Variants in PKNOX2 observed in about 807,000 individuals in gnomAD.
PKNOX2 encodes the protein homeobox protein PKNOX2.
Under a neutral mutation model 53.1 loss-of-function variants are expected in PKNOX2, and 14 were observed. The ratio of observed to expected loss-of-function variants is 0.26; its 90% CI spans 0.17 to 0.41. The LOEUF is 0.41. Ranked by LOEUF, PKNOX2 falls within the 10% of genes least tolerant of loss-of-function variation. PKNOX2 has a pLI of 1.00. For synonymous variants in PKNOX2, 257 were observed against 242.8 expected (o/e 1.06, Z -0.54); for missense variants, 496 against 602.8 (o/e 0.82, Z 1.85).
chr11:125,191,754 C>T (rs1246865666), intron 1 of PKNOX2, among the ~76,000 whole-genome samples: 3 of 152,136 alleles, frequency 2.0e-5, no homozygotes, highest in African/African-American at 4.8e-5. Context: ...GTGGCCGGGA[C>T]GTACTTGCTT....
chr11:125,236,277 C>A (rs1175542165), intron 2 of PKNOX2, among the ~76,000 whole-genome samples: 2 of 151,882 alleles, frequency 1.3e-5, no homozygotes, highest in Non-Finnish European at 2.9e-5. Flanking sequence ...GCTCCCAGGG[C>A]ACCTCCTCTG....
intron 1 of PKNOX2, among the ~76,000 whole-genome samples, chr11:125,171,297 G>C (rs1035254476): frequency 1.3e-5 from 2 of 152,094 alleles, no homozygotes; most frequent in African/African-American, 2.4e-5. Flanking sequence ...CTGTGTCCCC[G>C]GCACAGTCCT....
At chr11:125,226,906 C>T (rs1168854736) in intron 1 of PKNOX2, among the ~76,000 whole-genome samples, 1 of 151,998 alleles carries the variant, frequency 6.6e-6, no homozygotes, top group Non-Finnish European at 1.5e-5. Flanking sequence ...GCAGCCTCTC[C>T]TCTGACTTCT....
chr11:125,208,384 C>T (rs1359544640), intron 1 of PKNOX2, among the ~76,000 whole-genome samples: 1 of 152,060 alleles, frequency 6.6e-6, no homozygotes, highest in African/African-American at 2.4e-5. Flanking sequence ...GGAATTTGCA[C>T]TTTTCTATAG....
At chr11:125,222,727 A>ATG (rs746914950) in intron 1 of PKNOX2, among the ~76,000 whole-genome samples, 1 of 121,850 alleles carries the variant, frequency 8.2e-6, no homozygotes, top group African/African-American at 3.3e-5. Context: ...GTGTGTGTGT[A>ATG]TGTGTGTGTG....
intron 2 of PKNOX2, among the ~76,000 whole-genome samples, chr11:125,283,166 TAATAAAATAAAATAA>T (rs140414026): frequency 4.0e-5 from 6 of 151,106 alleles, no homozygotes; most frequent in Admixed American, 3.3e-4. Context: ...AATATATAAA[TAATAAAATAAAATAA>T]AATAAAATAA....
At chr11:125,339,185 C>T (rs565036862) in intron 3 of PKNOX2, among the ~76,000 whole-genome samples, 18 of 152,316 alleles carry the variant, frequency 1.2e-4, no homozygotes, top group Admixed American at 9.1e-4. Context: ...AACACAGCTC[C>T]GTCCTCGCAC....
intron 4 of PKNOX2, among the ~76,000 whole-genome samples, chr11:125,357,209 C>T (rs1951667249): frequency 6.6e-6 from 1 of 152,098 alleles, no homozygotes; most frequent in African/African-American, 2.4e-5. Context: ...GCACAGTGAC[C>T]TCTCTCTCTG....
At chr11:125,193,744 AC>A (rs1369036459) in intron 1 of PKNOX2, among the ~76,000 whole-genome samples, 1 of 152,184 alleles carries the variant, frequency 6.6e-6, no homozygotes, top group African/African-American at 2.4e-5. Flanking sequence ...CAGTGTCCTC[AC>A]CAGTAAGACG....
At chr11:125,272,285 G>A (rs74661753) in intron 2 of PKNOX2, among the ~76,000 whole-genome samples, 3,637 of 152,228 alleles carry the variant, frequency 0.024, 149 homozygotes, top group African/African-American at 0.074. Flanking sequence ...TAATTGATTC[G>A]CTGGTGGAAT....
chr11:125,301,601 C>T (rs766628390), intron 2 of PKNOX2, among the ~76,000 whole-genome samples: 7 of 152,086 alleles, frequency 4.6e-5, no homozygotes, highest in South Asian at 2.1e-4. Context: ...AAGAAACACA[C>T]GCAAGTATAT....
In PKNOX2 at chr11:125,411,506, CT is replaced by C. The variant is rs1477819586; in HGVS notation, c.817-239del. ...TCTCTCTCTCTCTCTCTCTCTCTCT[CT>C]CTCCCCCCCTTCCCCATCTCTTCCT... On this transcript the variant is annotated intron_variant, in intron 9 of 12. Coordinates refer to ENST00000298282, the MANE Select transcript of PKNOX2 (RefSeq NM_001382323.2). 493 of 449,660 alleles carry C rather than the reference CT, an allele frequency of 1.1e-3. 7 individuals are homozygous for C. The highest frequency in any genetic ancestry group is 2.1e-3 in the South Asian group (99 of 46,122). The allele number at this position is 449,660 out of a possible 1,614,324, so 27.9% of individuals were successfully genotyped here.
rs111755351 is a variant in PKNOX2, at chr11:125,420,207, A to C, written c.936+8342A>C. On this transcript the variant is annotated intron_variant, in intron 10 of 12. Transcript: ENST00000298282. The stretch of plus-strand genomic sequence containing the variant: ...GTTCCCTCCCCACCACATTTCCCCC[A>C]AAAAAGCTGAGTTTTTTATTTAAAA... 9.4e-4 allele frequency among the ~76,000 whole-genome samples: 126 copies of C among 133,352 alleles called. 2 individuals are homozygous for C. The highest frequency in any genetic ancestry group is 3.2e-3 in the African/African-American group (114 of 35,954). 87.5% of individuals were successfully genotyped at this position (133,352 alleles called of 152,430 possible).
intron 3 of PKNOX2, among the ~76,000 whole-genome samples, chr11:125,349,954 C>T (rs1951208613): frequency 6.6e-6 from 1 of 151,776 alleles, no homozygotes; most frequent in Non-Finnish European, 1.5e-5. Context: ...GGTCTGTGAA[C>T]ATTTTGGAAG....
At chr11:125,365,442 T>TC (rs1020419417) in intron 4 of PKNOX2, among the ~76,000 whole-genome samples, 2 of 152,178 alleles carry the variant, frequency 1.3e-5, no homozygotes, top group African/African-American at 4.8e-5. Context: ...TGTCTCTCCT[T>TC]CCCTGCACTT....
chr11:125,257,660 A>G lies in PKNOX2; in HGVS notation c.-130+22545A>G, dbSNP rs145234229. On this transcript the variant is annotated intron_variant, in intron 2 of 12. Transcript: ENST00000298282. ...ATCCTGCCCACAGGTAAGGATGAAA[A>G]GGGATGACGTTTTAGAACAGTGTCC... is the stretch of plus-strand genomic sequence containing the variant. Among the ~76,000 whole-genome samples, 643 of 152,342 alleles carry G rather than the reference A, an allele frequency of 4.2e-3. 5 individuals are homozygous for G. Among genetic ancestry groups the G allele is most frequent in the African/African-American group, 0.014 (579 of 41,584 alleles).
intron 1 of PKNOX2, among the ~76,000 whole-genome samples, chr11:125,189,445 G>A (rs78838087): frequency 0.017 from 859 of 50,284 alleles, 11 homozygotes; most frequent in Non-Finnish European, 0.022. Context: ...GTGTGTGTGT[G>A]TGTATATATA....
intron 4 of PKNOX2, among the ~76,000 whole-genome samples, chr11:125,364,035 T>C (rs1022180370): frequency 6.6e-6 from 1 of 152,216 alleles, no homozygotes. Context: ...CACTGCTTAA[T>C]AGCCACGCCC....
intron 2 of PKNOX2, among the ~76,000 whole-genome samples, chr11:125,272,552 C>T (rs188226225): frequency 5.9e-5 from 9 of 152,262 alleles, no homozygotes; most frequent in East Asian, 1.9e-4. Flanking sequence ...CATTTCCTTC[C>T]GTGCCCTCTC....
Sources: gnomAD v4.1 joint callset for allele counts (sites outside exome capture counted in the v4.1 genomes callset) on GRCh38, gnomAD v4.1.1 for gene constraint, MANE v1.5 for transcripts, NCBI Gene and HGNC (gene_info 2026-07-23, HGNC 2026-07-21) for gene names.